Variants in LRIG3 observed in about 807,000 individuals in gnomAD.
The protein encoded by LRIG3 is leucine-rich repeats and immunoglobulin-like domains protein 3.
LRIG3 carries 76 observed loss-of-function variants against 114.5 expected under a neutral mutation model. The observed-to-expected ratio is 0.66, with a 90% CI of 0.55 to 0.80. The LOEUF is 0.80. LRIG3 is among the 30% of genes least tolerant of loss of function. The pLI is 0.00. For synonymous variants in LRIG3, 512 were observed against 519.8 expected, an observed-to-expected ratio of 0.98 and a Z score of 0.20; for missense variants, 1,239 against 1,382.8, an observed-to-expected ratio of 0.90 and a Z score of 1.65.
intron 12 of LRIG3, among the ~76,000 whole-genome samples, chr12:58,881,302 T>C (rs1245160987): frequency 2.7e-5 from 4 of 150,920 alleles, no homozygotes; most frequent in Non-Finnish European, 5.9e-5. Context: ...TCTCCCCAGA[T>C]AATGAGCAGC....
At position 58,879,045 on chromosome 12, in the gene LRIG3, C is replaced by A. The variant is rs750955425; in HGVS notation, c.1862G>T (p.Arg621Leu). 1 of 1,614,124 alleles carries A rather than the reference C, an allele frequency of 6.2e-7. No homozygotes were observed. The highest frequency in any genetic ancestry group is 1.7e-5 in the Admixed American group (1 of 60,030). The stretch of plus-strand genomic sequence containing the variant: ...GTGCCCCACAGCAGCACACTCCAAG[C>A]GTGCCATGGCCCCAGCTCGGATGGT... ...DLTIRAGAMA[R>L]LECAAVGHPA... The change falls in exon 14 of 19, where the codon CGC becomes CTC. Residue 621 changes from arginine to leucine, a missense_variant. Arg to Leu is a moderately radical substitution (Grantham distance 102). Transcript: ENST00000320743.
chr12:58,898,658 T>TC (rs1320779825), intron 3 of LRIG3, among the ~76,000 whole-genome samples: 3 of 152,198 alleles, frequency 2.0e-5, no homozygotes, highest in Admixed American at 6.5e-5. Context: ...AATCCTTTTC[T>TC]CCCTTGTTTT....
intron 11 of LRIG3, 53 bp downstream of exon 11, chr12:58,883,467 G>C: frequency 7.6e-7 from 1 of 1,310,196 alleles, no homozygotes; most frequent in East Asian, 2.4e-5. Flanking sequence ...CACACCATAT[G>C]ACAGTTTTCC....
intron 1 of LRIG3, chr12:58,919,626 A>C: frequency 2.7e-6 from 4 of 1,476,690 alleles, no homozygotes; most frequent in Non-Finnish European, 3.6e-6. Flanking sequence ...AGAACTGCAA[A>C]CTCCTGATGT....
chr12:58,898,299 G>A (rs1462854942), intron 3 of LRIG3, among the ~76,000 whole-genome samples: 3 of 152,150 alleles, frequency 2.0e-5, no homozygotes, highest in African/African-American at 7.2e-5. Flanking sequence ...TGTAAACAGA[G>A]GGAAATGAAA....
At chr12:58,910,581 C>G (rs1055595107) in intron 3 of LRIG3, among the ~76,000 whole-genome samples, 1 of 152,112 alleles carries the variant, frequency 6.6e-6, no homozygotes, top group Admixed American at 6.5e-5. Context: ...GCACTCCAGC[C>G]TGGGTGACAC....
chr12:58,890,685 T>C lies in LRIG3; in HGVS notation c.495A>G (p.Pro165=). The C allele has an allele frequency of 1.2e-6, 2 of 1,600,360 alleles. No homozygotes were observed. The highest frequency in any genetic ancestry group is 1.7e-6 in the Non-Finnish European group (2 of 1,174,616). ...CTTACAGATATTTGAGCTGTAGGGCTGGAAATGCAGTTTGGAGCTCTGAAA... is the reference window on the plus strand; with the variant it reads ...CTTACAGATATTTGAGCTGTAGGGCCGGAAATGCAGTTTGGAGCTCTGAAA... The part of the protein sequence containing the change: ...NNISELQTAF[P]ALQLKYLYLN... The change falls in exon 4 of 19, where the codon CCA becomes CCG. Residue 165 remains proline, a synonymous_variant. Coordinates refer to ENST00000320743, the MANE Select transcript of LRIG3 (RefSeq NM_153377.5).
chr12:58,877,998 T>C (rs536356759), intron 14 of LRIG3, 146 bp from the exon 15 acceptor site: 10 of 735,296 alleles, frequency 1.4e-5, no homozygotes, highest in Non-Finnish European at 1.5e-5. Flanking sequence ...AGCCTAAACA[T>C]ATACAACATT....
In LRIG3 at chr12:58,883,387, G is replaced by A. The variant is rs1282336064; in HGVS notation, c.1316+133C>T. Reference sequence around the variant, plus strand: ...AGAACAAATAAACTCCTTTTCTGTTGCCTAGTATAAAAATTAAGTAATGTT... The same window carrying A: ...AGAACAAATAAACTCCTTTTCTGTTACCTAGTATAAAAATTAAGTAATGTT... On this transcript the variant is annotated intron_variant, in intron 11 of 18. Transcript: ENST00000320743. The A allele has an allele frequency of 6.9e-6, 4 of 577,440 alleles. No homozygotes were observed. The Admixed American group carries it at 1.5e-4, about 21-fold the overall frequency. The allele number at this position is 577,440 out of a possible 1,614,324, so 35.8% of individuals were successfully genotyped here. A position where few individuals can be genotyped will look rare whatever the true frequency, so the allele number is the denominator to read the frequency against.
chr12:58,876,379 C>G (rs940016216), intron 16 of LRIG3, 66 bp downstream of exon 16: 4 of 1,526,898 alleles, frequency 2.6e-6, no homozygotes, highest in Admixed American at 3.8e-5. Flanking sequence ...AAATGAATAT[C>G]ATATCTGAGC....
intron 14 of LRIG3, 101 bp from the exon 15 acceptor site, chr12:58,877,953 A>G (rs764353769): frequency 1.7e-6 from 2 of 1,181,928 alleles, no homozygotes; most frequent in African/African-American, 1.5e-5. Flanking sequence ...CTAAAATTTT[A>G]TTCTCCCACA....
At chr12:58,907,813 T>C (rs986332988) in intron 3 of LRIG3, among the ~76,000 whole-genome samples, 1 of 152,194 alleles carries the variant, frequency 6.6e-6, no homozygotes. Context: ...TGATTTCTCT[T>C]GTCTACTCGA....
chr12:58,911,650 T>C (rs1032542848), intron 3 of LRIG3, among the ~76,000 whole-genome samples: 7 of 151,826 alleles, frequency 4.6e-5, no homozygotes, highest in African/African-American at 1.7e-4. Context: ...CTGTGTCATG[T>C]TATATAACTT....
intron 3 of LRIG3, among the ~76,000 whole-genome samples, chr12:58,903,392 C>T (rs1314513420): frequency 6.6e-6 from 1 of 152,150 alleles, no homozygotes; most frequent in Non-Finnish European, 1.5e-5. Context: ...TGTTCATATC[C>T]TTTGCCCACT....
At chr12:58,908,549 T>G (rs1014406091) in intron 3 of LRIG3, among the ~76,000 whole-genome samples, 4 of 152,202 alleles carry the variant, frequency 2.6e-5, no homozygotes, top group African/African-American at 9.7e-5. Context: ...CCAGCTAGGG[T>G]GGTCAGCTGA....
rs377289710 is a variant in LRIG3, at chr12:58,919,663, G to C, written c.236+337C>G. 26 of 1,272,142 alleles carry C rather than the reference G, an allele frequency of 2.0e-5. No homozygotes were observed. The African/African-American group carries it at 3.2e-4, about 15-fold the overall frequency. 78.8% of individuals were successfully genotyped at this position (1,272,142 alleles called of 1,614,324 possible). A position where few individuals can be genotyped will look rare whatever the true frequency, so the allele number is the denominator to read the frequency against. On this transcript the variant is annotated intron_variant, in intron 1 of 18. Coordinates refer to ENST00000320743, the MANE Select transcript of LRIG3 (RefSeq NM_153377.5). The stretch of plus-strand genomic sequence containing the variant: ...TGCAGGTTGCCGCTTATCTCCCCTG[G>C]GCCTGGCAGGAGCAAGCATTTGAAC...
At position 58,877,722 on chromosome 12, in the gene LRIG3, C is replaced by T. The variant is rs141346766; in HGVS notation, c.2214G>A (p.Val738=). Residue 738 remains valine, a synonymous_variant, in exon 15 of 19, where the codon GTG becomes GTA. Coordinates refer to ENST00000320743, the MANE Select transcript of LRIG3 (RefSeq NM_153377.5). The part of the protein sequence containing the change: ...LNWTKDDSPL[V]VTERHFFAAG... Reference sequence around the variant, plus strand: ...CTGCAAAAAAGTGCCTCTCGGTTACCACCAATGGGCTATCATCTTTGGTCC... The same window carrying T: ...CTGCAAAAAAGTGCCTCTCGGTTACTACCAATGGGCTATCATCTTTGGTCC... 2.1e-4 allele frequency: 346 copies of T among 1,614,194 alleles called. 1 individual carries two copies. In the South Asian group the frequency reaches 3.6e-3, roughly 17 times the overall value.
Position 58,877,547 on chromosome 12 carries a change from C to A in LRIG3, c.2389G>T (p.Ala797Ser), listed in dbSNP as rs747953909. ...CATCCGTCATCGTCTAACGATGGGG[C>A]TGTCATCTGAGGGGAGTCGCAGGTT... ...TPTCDSPQMTAPSLDDDGWAT... is the reference protein window; with the variant it reads ...TPTCDSPQMTSPSLDDDGWAT... The change falls in exon 15 of 19, where the codon GCC becomes TCC. Residue 797 changes from alanine to serine, a missense_variant. Transcript: ENST00000320743. 6.2e-7 allele frequency: 1 copy of A among 1,614,212 alleles called. No homozygotes were observed. Among genetic ancestry groups the A allele is most frequent in the Non-Finnish European group, 8.5e-7 (1 of 1,180,038 alleles).
intron 3 of LRIG3, among the ~76,000 whole-genome samples, chr12:58,898,197 C>CA (rs1871712128): frequency 6.6e-6 from 1 of 152,116 alleles, no homozygotes; most frequent in East Asian, 1.9e-4. Context: ...CACAGTAACT[C>CA]AAACTACAGC....
Sources: allele counts gnomAD v4.1 joint callset (sites outside exome capture counted in the v4.1 genomes callset), GRCh38; gene constraint gnomAD v4.1.1; transcripts MANE v1.5; gene names NCBI Gene and HGNC (gene_info 2026-07-23, HGNC 2026-07-21).